Variants in NR5A2 observed in about 807,000 individuals in gnomAD.
NR5A2 encodes nuclear receptor subfamily 5 group A member 2.
In NR5A2, 26 loss-of-function variants were observed where a neutral mutation model predicts 62.7. The ratio of observed to expected loss-of-function variants is 0.41; its 90% CI spans 0.30 to 0.58. The LOEUF is 0.58. NR5A2 is among the 20% of genes least tolerant of loss of function. The pLI is 0.22. For synonymous variants in NR5A2, 246 were observed against 241.7 expected (o/e 1.02, Z -0.16); for missense variants, 541 against 669.1 (o/e 0.81, Z 2.11).
At chr1:200,107,228 A>C (rs544236123) in intron 5 of NR5A2, among the ~76,000 whole-genome samples, 52 of 152,278 alleles carry the variant, frequency 3.4e-4, no homozygotes, top group African/African-American at 1.2e-3. Context: ...TAGATGCACA[A>C]GATACACAGA....
chr1:200,028,547 A>T (rs1661433356), intron 1 of NR5A2, among the ~76,000 whole-genome samples: 1 of 152,318 alleles, frequency 6.6e-6, no homozygotes, highest in African/African-American at 2.4e-5. Flanking sequence ...AAATAAAGCT[A>T]CTATTCATTT....
chr1:200,063,960 C>T (rs2102201618), intron 5 of NR5A2, among the ~76,000 whole-genome samples: 1 of 152,128 alleles, frequency 6.6e-6, no homozygotes, highest in South Asian at 2.1e-4. Flanking sequence ...ACCAGCCTGG[C>T]CAACATGGCA....
chr1:200,146,220 T>G (rs1341820454), intron 7 of NR5A2, among the ~76,000 whole-genome samples: 1 of 151,974 alleles, frequency 6.6e-6, no homozygotes, highest in African/African-American at 2.4e-5. Flanking sequence ...AGTTTTGCAT[T>G]GGTAGATAAA....
At chr1:200,062,227 T>TGTGTG (rs1663256673) in intron 5 of NR5A2, among the ~76,000 whole-genome samples, 19 of 145,756 alleles carry the variant, frequency 1.3e-4, no homozygotes, top group African/African-American at 4.6e-4. Context: ...CTGGCAGATT[T>TGTGTG]TGTGTGTGTG....
At chr1:200,125,108 C>T (rs1666645568) in intron 7 of NR5A2, among the ~76,000 whole-genome samples, 1 of 152,068 alleles carries the variant, frequency 6.6e-6, no homozygotes, top group Admixed American at 6.5e-5. Context: ...TTGCATTCTC[C>T]CAGTTTATGA....
At chr1:200,114,285 CAT>C (rs1337329115) in intron 6 of NR5A2, among the ~76,000 whole-genome samples, 3 of 122,936 alleles carry the variant, frequency 2.4e-5, no homozygotes, top group Non-Finnish European at 5.4e-5. Flanking sequence ...TATATATACA[CAT>C]ATATATACAC....
At chr1:200,161,884 T>C (rs1007574734) in intron 7 of NR5A2, among the ~76,000 whole-genome samples, 10 of 152,254 alleles carry the variant, frequency 6.6e-5, no homozygotes, top group African/African-American at 1.9e-4. Flanking sequence ...TTGTCTTTTA[T>C]GTGTGTGGTG....
rs933427507 is a variant in NR5A2, at chr1:200,175,855, G to A, written c.*1645G>A. The A allele has an allele frequency of 2.0e-5, 3 of 152,542 alleles. No homozygotes were observed. Among genetic ancestry groups the A allele is most frequent in the Non-Finnish European group, 4.4e-5 (3 of 68,030 alleles). 9.4% of individuals were successfully genotyped at this position (152,542 alleles called of 1,614,324 possible). On this transcript the variant is annotated 3_prime_UTR_variant, in exon 8 of 8. Coordinates refer to ENST00000367362, the MANE Select transcript of NR5A2 (RefSeq NM_205860.3). The stretch of plus-strand genomic sequence containing the variant: ...TTTGTAGAAACTGTAAAAAATAAAA[G>A]TATCTCCTAGTCCCTTAATTTTTTC...
At position 200,144,233 on chromosome 1, in the gene NR5A2, T is replaced by TCTCACACACA. The variant is rs1446217306; in HGVS notation, c.1378+23279_1378+23280insTCACACACAC. ...CACTGTTTCTCTCTCTCTCTCTCTCTCACACACACACACACACACACACAC... is the reference window on the plus strand; with the variant it reads ...CACTGTTTCTCTCTCTCTCTCTCTCTCTCACACACACACACACACACACACACACACACAC... On this transcript the variant is annotated intron_variant, in intron 7 of 7. Transcript: ENST00000367362. Among the ~76,000 whole-genome samples the TCTCACACACA allele has an allele frequency of 3.4e-3, 271 of 80,104 alleles. 3 individuals are homozygous for TCTCACACACA. The highest frequency in any genetic ancestry group is 9.6e-3 in the African/African-American group (229 of 23,922). 52.6% of individuals were successfully genotyped at this position (80,104 alleles called of 152,430 possible). A position where few individuals can be genotyped will look rare whatever the true frequency, so the allele number is the denominator to read the frequency against.
intron 5 of NR5A2, among the ~76,000 whole-genome samples, chr1:200,106,608 A>G (rs1323832421): frequency 6.6e-6 from 1 of 152,146 alleles, no homozygotes; most frequent in East Asian, 1.9e-4. Context: ...TATAATGTGG[A>G]ACTTAAACTT....
chr1:200,106,845 A>AT (rs950168577), intron 5 of NR5A2, among the ~76,000 whole-genome samples: 3 of 151,928 alleles, frequency 2.0e-5, no homozygotes, highest in African/African-American at 4.8e-5. Context: ...CATTTACCCT[A>AT]TTTTTTTTAT....
intron 7 of NR5A2, among the ~76,000 whole-genome samples, chr1:200,127,676 C>CAA (rs71132666): frequency 1.2e-4 from 3 of 25,622 alleles, no homozygotes; most frequent in Non-Finnish European, 2.0e-4. Context: ...GACTCTGTCT[C>CAA]AAAAAAAAAA....
chr1:200,049,613 C>T (rs777098755), intron 5 of NR5A2, among the ~76,000 whole-genome samples: 3 of 152,086 alleles, frequency 2.0e-5, no homozygotes, highest in Non-Finnish European at 4.4e-5. Context: ...AGAGGGGCTA[C>T]CAAAACACAT....
At chr1:200,160,482 G>A (rs1382996285) in intron 7 of NR5A2, among the ~76,000 whole-genome samples, 3 of 152,104 alleles carry the variant, frequency 2.0e-5, no homozygotes, top group Admixed American at 1.3e-4. Flanking sequence ...GAGCTGAATC[G>A]GGCTCTTAGC....
chr1:200,101,833 T>C (rs559054249), intron 5 of NR5A2, among the ~76,000 whole-genome samples: 5 of 152,326 alleles, frequency 3.3e-5, no homozygotes, highest in African/African-American at 7.2e-5. Flanking sequence ...CAAGAAGCTT[T>C]TTGAAACGTG....
At chr1:200,110,104 C>T (rs1276323394) in intron 5 of NR5A2, among the ~76,000 whole-genome samples, 2 of 152,184 alleles carry the variant, frequency 1.3e-5, no homozygotes, top group African/African-American at 2.4e-5. Context: ...CTCTGACACC[C>T]CTGTTTTCTC....
At chr1:200,061,716 A>G (rs1663229236) in intron 5 of NR5A2, among the ~76,000 whole-genome samples, 1 of 152,194 alleles carries the variant, frequency 6.6e-6, no homozygotes, top group African/African-American at 2.4e-5. Context: ...GCAAAGGTGG[A>G]ATGCAACCTG....
intron 5 of NR5A2, among the ~76,000 whole-genome samples, chr1:200,106,064 CT>C (rs11411913): frequency 2.7e-5 from 4 of 147,558 alleles, no homozygotes; most frequent in Non-Finnish European, 1.5e-5. Flanking sequence ...ATTCACTCTT[CT>C]TTTTTTTTTT....
At chr1:200,089,458 G>A (rs1664706543) in intron 5 of NR5A2, among the ~76,000 whole-genome samples, 1 of 150,936 alleles carries the variant, frequency 6.6e-6, no homozygotes. Flanking sequence ...CACCTGGCCT[G>A]CAACTTTGTA....
Sources: allele counts gnomAD v4.1 joint callset (sites outside exome capture counted in the v4.1 genomes callset), GRCh38; gene constraint gnomAD v4.1.1; transcripts MANE v1.5; gene names NCBI Gene and HGNC (gene_info 2026-07-23, HGNC 2026-07-21).